Variants in SPG7 observed in about 807,000 individuals in gnomAD.
The protein encoded by SPG7 is mitochondrial inner membrane m-AAA protease component paraplegin.
SPG7 carries 103 observed loss-of-function variants against 81.9 expected under a neutral mutation model. The observed-to-expected ratio is 1.26, with a 90% CI of 1.07 to 1.48. SPG7 has a LOEUF of 1.48. Among genes scored for constraint, SPG7 ranks in the 40% most tolerant of loss-of-function variants. The pLI, the probability that SPG7 is intolerant of heterozygous loss-of-function variation, is 0.00. For synonymous variants in SPG7, 534 were observed against 444.2 expected (o/e 1.20, Z -2.54); for missense variants, 1,241 against 1,087.3 (o/e 1.14, Z -1.99).
At chr16:89,544,475 G>A (rs556534517) in intron 9 of SPG7, 173 bp from the exon 10 acceptor site, 354 of 706,448 alleles carry the variant, frequency 5.0e-4, no homozygotes, top group Non-Finnish European at 7.9e-4. Flanking sequence ...GGTGATGCTG[G>A]CTGGGAGCGA....
chr16:89,536,604 T>G (rs1597642372), intron 9 of SPG7, among the ~76,000 whole-genome samples: 3 of 64,178 alleles, frequency 4.7e-5, no homozygotes, highest in African/African-American at 6.9e-5. Context: ...GCAGGTGAGG[T>G]GAGGTGGGTG....
rs946925151 is a variant in SPG7, at chr16:89,550,532, C to T, written c.1702C>T (p.Gln568Ter). The change falls in exon 13 of 17, where the codon CAG becomes TAG. Residue 568 changes from glutamine to a stop codon, truncating the protein, a stop_gained. Coordinates refer to ENST00000645818, the MANE Select transcript of SPG7 (RefSeq NM_003119.4). LOFTEE classifies it high-confidence loss of function. ...KKSKILSKEE[Q>*]KVVAFHESGH... ...GAGCAAGATCCTGTCCAAGGAAGAA[C>T]AGAAAGTGGTTGCGTTTCATGAGTC... The T allele has an allele frequency of 1.2e-6, 2 of 1,613,922 alleles. No homozygotes were observed. Among genetic ancestry groups the T allele is most frequent in the African/African-American group, 1.3e-5 (1 of 74,944 alleles).
At chr16:89,536,736 G>A in intron 9 of SPG7, 1 of 1,612,946 alleles carries the variant, frequency 6.2e-7, no homozygotes, top group Non-Finnish European at 8.5e-7. Context: ...TCTTCGTCCT[G>A]TGAGTCTGCG....
intron 2 of SPG7, among the ~76,000 whole-genome samples, chr16:89,511,912 G>A (rs745858447): frequency 1.8e-3 from 272 of 151,078 alleles, no homozygotes; most frequent in African/African-American, 4.9e-3. Context: ...TGTTGTTGTT[G>A]TTTATTATTA....
At chr16:89,513,097 T>G in intron 3 of SPG7, 60 bp downstream of exon 3, 2 of 1,548,506 alleles carry the variant, frequency 1.3e-6, no homozygotes, top group Non-Finnish European at 1.7e-6. Flanking sequence ...ACATTTCTGT[T>G]TTCCTTTTAG....
chr16:89,556,554 A>C (rs2058688964), intron 16 of SPG7: 1 of 393,292 alleles, frequency 2.5e-6, no homozygotes, highest in Admixed American at 4.0e-5. Flanking sequence ...TGCTCTCCTC[A>C]ATCAGGAGGG....
rs2058622219 is a variant in SPG7, at chr16:89,550,452, C to T, written c.1664-42C>T. The T allele has an allele frequency of 4.9e-6, 7 of 1,420,100 alleles. No individual in the cohort carries two copies. In the African/African-American group the frequency reaches 5.6e-5, roughly 11 times the overall value. 88.0% of individuals were successfully genotyped at this position (1,420,100 alleles called of 1,614,324 possible). On this transcript the variant is annotated intron_variant, in intron 12 of 16. Transcript: ENST00000645818. ...CCTCCCACAGCGCTGGGATTACAGG[C>T]GTGAGCCACCGCGCCCAACTCATAC...
chr16:89,550,143 G>C (rs1415453253), intron 12 of SPG7: 2 of 355,062 alleles, frequency 5.6e-6, no homozygotes, highest in South Asian at 2.2e-5. Context: ...CCAGGGAGAG[G>C]CCGGGGTCTC....
At chr16:89,549,354 G>A (rs910335579) in intron 12 of SPG7, 8 of 394,172 alleles carry the variant, frequency 2.0e-5, no homozygotes, top group Non-Finnish European at 3.6e-5. Context: ...GAACAGGGGA[G>A]ATTTAATGCA....
At chr16:89,544,096 T>C (rs1054787466) in intron 9 of SPG7, 1 of 180,898 alleles carries the variant, frequency 5.5e-6, no homozygotes, top group African/African-American at 2.4e-5. Context: ...CATAAATCTC[T>C]TTTCGCAGTT....
intron 13 of SPG7, among the ~76,000 whole-genome samples, chr16:89,550,820 G>T (rs1415942386): frequency 1.3e-5 from 2 of 152,246 alleles, no homozygotes; most frequent in African/African-American, 4.8e-5. Context: ...GAACTCGGAC[G>T]TGGGAGGCAG....
Position 89,547,975 on chromosome 16 carries a change from C to T in SPG7, c.1553-28C>T, listed in dbSNP as rs561339786. 1.9e-6 allele frequency: 3 copies of T among 1,572,952 alleles called. No individual in the cohort carries two copies. In the South Asian group the frequency reaches 3.3e-5, roughly 17 times the overall value. ...AGCCCTGATAGCAGAAACCCACCCA[C>T]CCACACCGTGGCTGTTTGTGTTGAC... On this transcript the variant is annotated intron_variant, in intron 11 of 16. Coordinates refer to ENST00000645818, the MANE Select transcript of SPG7 (RefSeq NM_003119.4).
chr16:89,523,896 A>T, intron 3 of SPG7, 110 bp from the exon 4 acceptor site: 1 of 1,349,768 alleles, frequency 7.4e-7, no homozygotes, highest in Non-Finnish European at 1.0e-6. Flanking sequence ...TCTTCTGTGC[A>T]GGACGCTGCC....
chr16:89,540,793 C>G (rs992916545), intron 9 of SPG7: 41 of 644,158 alleles, frequency 6.4e-5, no homozygotes, highest in Non-Finnish European at 7.3e-5. Flanking sequence ...CGCATCCACC[C>G]TCCTGGGTGC....
chr16:89,534,559 C>T (rs947576239), intron 9 of SPG7, among the ~76,000 whole-genome samples: 2 of 152,194 alleles, frequency 1.3e-5, no homozygotes, highest in African/African-American at 2.4e-5. Context: ...GTTCTGGCTC[C>T]GAGAGAGCCG....
At chr16:89,522,309 G>T (rs1440137137) in intron 3 of SPG7, 1 of 152,256 alleles carries the variant, frequency 6.6e-6, no homozygotes, top group African/African-American at 2.4e-5. Context: ...TTGTTGGAAA[G>T]GAAGGTGGTA....
intron 2 of SPG7, among the ~76,000 whole-genome samples, chr16:89,511,936 G>A (rs923567634): frequency 6.6e-6 from 1 of 151,890 alleles, no homozygotes; most frequent in Admixed American, 6.6e-5. Flanking sequence ...TTTTGAGACG[G>A]AGTCTTGCTC....
At chr16:89,511,182 G>A (rs1006755554) in intron 2 of SPG7, among the ~76,000 whole-genome samples, 12 of 152,098 alleles carry the variant, frequency 7.9e-5, no homozygotes, top group Non-Finnish European at 1.8e-4. Flanking sequence ...TCCAGTAATT[G>A]GGCTGCTTGA....
At chr16:89,531,582 C>T in intron 7 of SPG7, 1 of 377,664 alleles carries the variant, frequency 2.6e-6, no homozygotes, top group South Asian at 2.3e-5. Context: ...CCATGTTGGC[C>T]AGGCTGGTCT....
Sources: allele counts gnomAD v4.1 joint callset (sites outside exome capture counted in the v4.1 genomes callset), GRCh38; gene constraint gnomAD v4.1.1; transcripts MANE v1.5; gene names NCBI Gene and HGNC (gene_info 2026-07-23, HGNC 2026-07-21).